PTPRA: variants seen among roughly 807,000 people sequenced by gnomAD.
PTPRA encodes the protein receptor-type tyrosine-protein phosphatase alpha.
PTPRA carries 25 observed loss-of-function variants against 104.8 expected under a neutral mutation model. The observed-to-expected ratio is 0.24, with a 90% CI of 0.17 to 0.33. The LOEUF is 0.33. Among genes scored for constraint, PTPRA ranks in the 10% least tolerant of loss-of-function variants. PTPRA has a pLI of 1.00. For synonymous variants in PTPRA, 323 were observed against 368.9 expected (o/e 0.88, Z 1.43); for missense variants, 765 against 1,015.3 (o/e 0.75, Z 3.35).
intron 5 of PTPRA, among the ~76,000 whole-genome samples, chr20:2,973,377 A>C (rs2062274364): frequency 6.6e-6 from 1 of 152,188 alleles, no homozygotes; most frequent in Non-Finnish European, 1.5e-5. Context: ...TTGAACAAGC[A>C]CAGCTTTAGC....
At chr20:2,875,765 A>G (rs948968051) in intron 1 of PTPRA, among the ~76,000 whole-genome samples, 1 of 152,214 alleles carries the variant, frequency 6.6e-6, no homozygotes, top group African/African-American at 2.4e-5. Context: ...CAGTGGGCAA[A>G]TGAGGGAATA....
intron 5 of PTPRA, 131 bp downstream of exon 5, chr20:2,965,333 T>A: frequency 1.1e-6 from 1 of 929,104 alleles, no homozygotes; most frequent in South Asian, 1.8e-5. Context: ...ATGAAACCTG[T>A]ATGTGGAATT....
intron 2 of PTPRA, among the ~76,000 whole-genome samples, chr20:2,924,188 C>T (rs552923900): frequency 4.2e-4 from 64 of 151,928 alleles, no homozygotes; most frequent in Non-Finnish European, 7.7e-4. Context: ...GAGGCTAAGG[C>T]GGGCAGATCA....
chr20:2,917,769 A>T (rs2059956492), intron 1 of PTPRA, among the ~76,000 whole-genome samples: 1 of 151,844 alleles, frequency 6.6e-6, no homozygotes, highest in Admixed American at 6.6e-5. Flanking sequence ...CCTGGGAGTT[A>T]GACCAACCTG....
chr20:2,971,926 G>A (rs1036369084), intron 5 of PTPRA, among the ~76,000 whole-genome samples: 3 of 151,892 alleles, frequency 2.0e-5, no homozygotes, highest in African/African-American at 4.8e-5. Context: ...CCTCCACCTC[G>A]CGGGTTCAAG....
chr20:2,995,065 G>T (rs1202249677), intron 9 of PTPRA, among the ~76,000 whole-genome samples: 1 of 152,180 alleles, frequency 6.6e-6, no homozygotes, highest in Non-Finnish European at 1.5e-5. Flanking sequence ...GGGAGGCAGA[G>T]GTTGCAGTGA....
At chr20:3,003,700 ATTTTTTTTTTTT>A (rs59358849) in intron 9 of PTPRA, among the ~76,000 whole-genome samples, 3 of 105,564 alleles carry the variant, frequency 2.8e-5, no homozygotes, top group Non-Finnish European at 5.7e-5. Flanking sequence ...ATACCTGGCT[ATTTTTTTTTTTT>A]TTTTTTTTTT....
At chr20:2,975,141 T>G (rs1401958704) in intron 5 of PTPRA, 74 bp from the exon 6 acceptor site, 1 of 1,322,762 alleles carries the variant, frequency 7.6e-7, no homozygotes. Context: ...GAGCTTGTTT[T>G]GTTGTACTCT....
intron 1 of PTPRA, among the ~76,000 whole-genome samples, chr20:2,898,659 A>C (rs897434441): frequency 2.0e-5 from 3 of 151,666 alleles, no homozygotes; most frequent in African/African-American, 7.2e-5. Flanking sequence ...GGAGTTCGAG[A>C]CCAGCCTGGC....
chr20:2,963,778 C>T (rs1212951342), intron 3 of PTPRA, among the ~76,000 whole-genome samples: 2 of 152,054 alleles, frequency 1.3e-5, no homozygotes, highest in African/African-American at 4.8e-5. Flanking sequence ...GGAGCTCACA[C>T]CTGTAATCAT....
rs914600166 is a variant in PTPRA, at chr20:3,038,330, G to A, written c.*197G>A. The A allele has an allele frequency of 1.1e-5, 6 of 530,324 alleles. No individual in the cohort carries two copies. Among genetic ancestry groups the A allele is most frequent in the Non-Finnish European group, 2.0e-5 (6 of 300,258 alleles). 32.9% of individuals were successfully genotyped at this position (530,324 alleles called of 1,614,324 possible). ...TAGTCCTTTTTCCAATGTTTTATTG[G>A]GGAATTAAATAGTGTGATGTTTGGA... On this transcript the variant is annotated 3_prime_UTR_variant, in exon 24 of 24. Coordinates refer to ENST00000399903, the MANE Select transcript of PTPRA (RefSeq NM_001385305.1).
intron 9 of PTPRA, among the ~76,000 whole-genome samples, chr20:2,998,027 G>A (rs1285410841): frequency 6.6e-6 from 1 of 152,090 alleles, no homozygotes; most frequent in Non-Finnish European, 1.5e-5. Flanking sequence ...TACTCAGGGG[G>A]CTGAGGTGGG....
intron 6 of PTPRA, among the ~76,000 whole-genome samples, chr20:2,985,490 C>T (rs201597588): frequency 9.9e-5 from 15 of 152,026 alleles, no homozygotes; most frequent in African/African-American, 3.6e-4. Context: ...AGATAGTTAC[C>T]AAGCCACTCT....
At chr20:2,989,278 C>T (rs1461974985) in intron 9 of PTPRA, among the ~76,000 whole-genome samples, 1 of 151,620 alleles carries the variant, frequency 6.6e-6, no homozygotes, top group East Asian at 2.0e-4. Flanking sequence ...ACTAAAAATA[C>T]AAAAATTAGC....
rs1263662680 is a variant in PTPRA at position 3,026,565 on chromosome 20, C to T, written c.1615-122C>T. The T allele has an allele frequency of 2.3e-5, 16 of 704,592 alleles. No individual in the cohort carries two copies. In the South Asian group the frequency reaches 2.8e-4, roughly 12 times the overall value. 43.6% of individuals were successfully genotyped at this position (704,592 alleles called of 1,614,324 possible). A position where few individuals can be genotyped will look rare whatever the true frequency, so the allele number is the denominator to read the frequency against. On this transcript the variant is annotated intron_variant, in intron 17 of 23. Coordinates refer to ENST00000399903, the MANE Select transcript of PTPRA (RefSeq NM_001385305.1). ...GAACATATGGGAACAGAGGTCAGGG[C>T]CCTGGTGAGAAGAGCAGTATGGAGC...
At chr20:2,934,669 C>CTTTTT (rs756152103) in intron 2 of PTPRA, among the ~76,000 whole-genome samples, 7 of 127,188 alleles carry the variant, frequency 5.5e-5, no homozygotes, top group Admixed American at 8.7e-5. Context: ...CAATTAGAAC[C>CTTTTT]TTTTTTTTTT....
At chr20:2,885,138 G>A (rs1026525572) in intron 1 of PTPRA, among the ~76,000 whole-genome samples, 1 of 152,140 alleles carries the variant, frequency 6.6e-6, no homozygotes, top group African/African-American at 2.4e-5. Flanking sequence ...CAGAAAGAAC[G>A]CCTGCACCTT....
At chr20:2,975,148 C>G in intron 5 of PTPRA, 67 bp from the exon 6 acceptor site, 1 of 1,376,878 alleles carries the variant, frequency 7.3e-7, no homozygotes, top group African/African-American at 1.4e-5. Context: ...TTTTGTTGTA[C>G]TCTAATTGAA....
At position 2,945,376 on chromosome 20, in the gene PTPRA, A is replaced by C. The variant is rs372163322; in HGVS notation, c.-49-2606A>C. On this transcript the variant is annotated intron_variant, in intron 2 of 23. Transcript: ENST00000399903. ...TTTACGTTTGTTTCTAGCTTTGCCT[A>C]GGAGTCTTCAATCATTTTAATTCAG... is the stretch of plus-strand genomic sequence containing the variant. Among the ~76,000 whole-genome samples, 175 of 152,318 alleles carry C rather than the reference A, an allele frequency of 1.1e-3. 3 individuals are homozygous for C. The highest frequency in any genetic ancestry group is 3.8e-3 in the African/African-American group (158 of 41,570).
Sources: gnomAD v4.1 joint callset for allele counts (sites outside exome capture counted in the v4.1 genomes callset) on GRCh38, gnomAD v4.1.1 for gene constraint, MANE v1.5 for transcripts, NCBI Gene and HGNC (gene_info 2026-07-23, HGNC 2026-07-21) for gene names.